Variants in MAGI2 observed in about 807,000 individuals in gnomAD.
The protein encoded by MAGI2 is membrane-associated guanylate kinase, WW and PDZ domain-containing protein 2.
A neutral mutation model predicts 133.3 loss-of-function variants in MAGI2; 35 were observed. The observed-to-expected ratio is 0.26, with a 90% CI of 0.20 to 0.35. MAGI2 has a LOEUF of 0.35. Ranked by LOEUF, MAGI2 falls within the 10% of genes least tolerant of loss-of-function variation. The probability of loss-of-function intolerance (pLI) is 1.00; values close to 1 mark genes in which losing one functional copy is unlikely to be tolerated. For synonymous variants in MAGI2, 729 were observed against 710.6 expected, an observed-to-expected ratio of 1.03 and a Z score of -0.41; for missense variants, 1,636 against 1,863.4, an observed-to-expected ratio of 0.88 and a Z score of 2.25.
At chr7:78,670,469 T>A (rs1814236261) in intron 2 of MAGI2, among the ~76,000 whole-genome samples, 1 of 152,154 alleles carries the variant, frequency 6.6e-6, no homozygotes, top group Admixed American at 6.5e-5. Context: ...GCAGGAAGAA[T>A]CAATATCATG....
chr7:79,173,623 T>G (rs1414612348), intron 1 of MAGI2, among the ~76,000 whole-genome samples: 1 of 152,052 alleles, frequency 6.6e-6, no homozygotes, highest in Non-Finnish European at 1.5e-5. Flanking sequence ...TAAGCCACTG[T>G]GTCTAGTGCC....
At chr7:79,192,683 G>A (rs1827776827) in intron 1 of MAGI2, among the ~76,000 whole-genome samples, 1 of 151,748 alleles carries the variant, frequency 6.6e-6, no homozygotes. Flanking sequence ...TGGGGGTGAG[G>A]AAGGATGGGG....
chr7:79,080,398 C>A (rs1815935527), intron 1 of MAGI2, among the ~76,000 whole-genome samples: 1 of 152,114 alleles, frequency 6.6e-6, no homozygotes, highest in Non-Finnish European at 1.5e-5. Flanking sequence ...CTGCTGGCCT[C>A]AGTAGCTGCT....
chr7:79,188,008 G>A (rs944478339), intron 1 of MAGI2, among the ~76,000 whole-genome samples: 21 of 151,910 alleles, frequency 1.4e-4, no homozygotes, highest in African/African-American at 5.1e-4. Flanking sequence ...CCTCTGTTCA[G>A]TGAAAGAGAA....
chr7:79,029,854 T>C (rs570899921), intron 1 of MAGI2, among the ~76,000 whole-genome samples: 2 of 152,188 alleles, frequency 1.3e-5, no homozygotes, highest in Non-Finnish European at 2.9e-5. Context: ...ACAACAGAGA[T>C]GTAATGTTTA....
intron 6 of MAGI2, among the ~76,000 whole-genome samples, chr7:78,395,784 T>C (rs1280266572): frequency 1.3e-5 from 2 of 152,190 alleles, no homozygotes; most frequent in Admixed American, 6.5e-5. Context: ...CTAAAAAGAA[T>C]GGCAAGAATG....
At chr7:78,686,347 C>T (rs762381359) in intron 2 of MAGI2, among the ~76,000 whole-genome samples, 9 of 152,264 alleles carry the variant, frequency 5.9e-5, no homozygotes, top group South Asian at 4.1e-4. Flanking sequence ...TTCCCGTTCA[C>T]GTAAGTGTGG....
Position 78,432,427 on chromosome 7 carries a change from T to G in MAGI2, c.1045+57334A>C, listed in dbSNP as rs60694200. Among the ~76,000 whole-genome samples, 398 of 152,204 alleles carry G rather than the reference T, an allele frequency of 2.6e-3. 2 individuals are homozygous for G. Among genetic ancestry groups the G allele is most frequent in the African/African-American group, 9.0e-3 (373 of 41,566 alleles). ...AAACAAATGCCCCACACATTTCACATCTAGTCAGTGAAACCCAGGTTTTGT... is the reference window on the plus strand; with the variant it reads ...AAACAAATGCCCCACACATTTCACAGCTAGTCAGTGAAACCCAGGTTTTGT... On this transcript the variant is annotated intron_variant, in intron 6 of 21. Transcript: ENST00000354212.
intron 2 of MAGI2, among the ~76,000 whole-genome samples, chr7:78,899,337 T>A (rs1261012172): frequency 6.6e-6 from 1 of 152,172 alleles, no homozygotes. Context: ...TCGTTAATGT[T>A]ATTTCTTCTT....
At chr7:79,372,637 G>T (rs1843118209) in intron 1 of MAGI2, among the ~76,000 whole-genome samples, 1 of 152,010 alleles carries the variant, frequency 6.6e-6, no homozygotes. Context: ...GAATATATCA[G>T]AAAATACATT....
chr7:79,109,382 T>C (rs1337300505), intron 1 of MAGI2, among the ~76,000 whole-genome samples: 1 of 152,144 alleles, frequency 6.6e-6, no homozygotes, highest in Non-Finnish European at 1.5e-5. Flanking sequence ...AGGCCACCCA[T>C]GTTATGCCTT....
intron 7 of MAGI2, among the ~76,000 whole-genome samples, chr7:78,353,976 G>A (rs938804449): frequency 2.6e-5 from 4 of 152,242 alleles, no homozygotes; most frequent in African/African-American, 9.6e-5. Context: ...TCTCCATCTT[G>A]GATGATGTAC....
chr7:79,384,200 A>T (rs67122557), intron 1 of MAGI2, among the ~76,000 whole-genome samples: 20,978 of 151,416 alleles, frequency 0.14, 1,559 homozygotes, highest in South Asian at 0.25. Flanking sequence ...TATTTATGCA[A>T]ATACAGGCTA....
At chr7:78,665,945 T>G (rs558020007) in intron 2 of MAGI2, among the ~76,000 whole-genome samples, 1 of 152,096 alleles carries the variant, frequency 6.6e-6, no homozygotes, top group South Asian at 2.1e-4. Context: ...CAGGTAGTTA[T>G]AGTAGGGTGA....
intron 1 of MAGI2, among the ~76,000 whole-genome samples, chr7:79,200,598 G>A (rs552000526): frequency 2.3e-4 from 34 of 148,464 alleles, no homozygotes; most frequent in Non-Finnish European, 4.4e-4. Context: ...GTGACAGAAT[G>A]AGACCCCATC....
At chr7:79,446,262 C>T (rs944124847) in intron 1 of MAGI2, among the ~76,000 whole-genome samples, 2 of 152,094 alleles carry the variant, frequency 1.3e-5, no homozygotes, top group African/African-American at 4.8e-5. Context: ...CACATGTATA[C>T]ATATGTAACT....
At position 78,200,268 on chromosome 7, in the gene MAGI2, G is replaced by A. The variant is rs369225130; in HGVS notation, c.2079+894C>T. Among the ~76,000 whole-genome samples, 38 of 152,174 alleles carry A rather than the reference G, an allele frequency of 2.5e-4. 1 individual carries two copies. Among genetic ancestry groups the A allele is most frequent in the Admixed American group, 1.6e-3 (24 of 15,276 alleles). On this transcript the variant is annotated intron_variant, in intron 11 of 21. Transcript: ENST00000354212. ...AGTATTCTAACACATAAAATGGGAT[G>A]CCAGAAAACCAGTCCCAGCTCTTGG...
intron 1 of MAGI2, among the ~76,000 whole-genome samples, chr7:79,131,781 G>A (rs759506673): frequency 5.9e-5 from 9 of 151,854 alleles, no homozygotes; most frequent in Non-Finnish European, 1.2e-4. Context: ...AATTTAAATT[G>A]GATATGTAAC....
rs542446662 is a variant in MAGI2, at chr7:78,681,812, A to AAAG, written c.419-54576_419-54574dup. ...AATAGCAGAGAGACTAGAGTCAGGG[A>AAAG]AAGAAGAAGAAGAATTTGCATAAAT... On this transcript the variant is annotated intron_variant, in intron 2 of 21. Transcript: ENST00000354212. 3.0e-3 allele frequency among the ~76,000 whole-genome samples: 461 copies of AAAG among 152,278 alleles called. 3 individuals are homozygous for AAAG. The highest frequency in any genetic ancestry group is 0.01 in the African/African-American group (429 of 41,574).
Sources: allele counts gnomAD v4.1 joint callset (sites outside exome capture counted in the v4.1 genomes callset), GRCh38; gene constraint gnomAD v4.1.1; transcripts MANE v1.5; gene names NCBI Gene and HGNC (gene_info 2026-07-23, HGNC 2026-07-21).